FGF13: variants seen among roughly 807,000 people sequenced by gnomAD.
The protein encoded by FGF13 is fibroblast growth factor 13.
Under a neutral mutation model 19.5 loss-of-function variants are expected in FGF13, and 2 were observed. The observed-to-expected ratio is 0.10, with a 90% CI of 0.04 to 0.32. The LOEUF is 0.32. Ranked by LOEUF, FGF13 falls within the 10% of genes least tolerant of loss-of-function variation. FGF13 has a pLI of 1.00. For missense variants in FGF13, 113 were observed against 192.7 expected (o/e 0.59, Z 2.45); for synonymous variants, 72 against 76.9 (o/e 0.94, Z 0.33).
chrX:139,060,743 T>C (rs1244619866), intron 1 of FGF13, among the ~76,000 whole-genome samples: 1 of 111,719 alleles, frequency 9.0e-6, no homozygotes, highest in Non-Finnish European at 1.9e-5. Context: ...AACTTTTTTC[T>C]CATTAGAAGG....
intron 1 of FGF13, among the ~76,000 whole-genome samples, chrX:138,870,268 A>G (rs2091350889): frequency 8.9e-6 from 1 of 112,011 alleles, no homozygotes; most frequent in Non-Finnish European, 1.9e-5. Flanking sequence ...TATTTTTTTA[A>G]GTAGTAAAGT....
At chrX:139,049,000 C>T (rs1463102456) in intron 1 of FGF13, among the ~76,000 whole-genome samples, 1 of 111,120 alleles carries the variant, frequency 9.0e-6, no homozygotes, top group African/African-American at 3.3e-5. Context: ...ATGAAAATGC[C>T]ATTTATATTT....
At chrX:138,940,068 C>T in intron 1 of FGF13, among the ~76,000 whole-genome samples, 1 of 111,711 alleles carries the variant, frequency 9.0e-6, no homozygotes, top group Middle Eastern at 4.7e-3. Context: ...TCTCTGCAAC[C>T]TCACCAGGAT....
intron 1 of FGF13, among the ~76,000 whole-genome samples, chrX:139,159,655 C>CAAAAAAAAAAAAAAAAAAA (rs550001786): frequency 2.1e-4 from 11 of 51,666 alleles, no homozygotes; most frequent in African/African-American, 5.3e-4. Flanking sequence ...AAAGAGAAAG[C>CAAAAAAAAAAAAAAAAAAA]AAAAAAAAAA....
At chrX:139,073,143 C>G (rs1271065002) in intron 1 of FGF13, among the ~76,000 whole-genome samples, 5 of 101,286 alleles carry the variant, frequency 4.9e-5, no homozygotes, top group Non-Finnish European at 1.0e-4. Flanking sequence ...TCCCCCCCCC[C>G]TTTTCTGTGT....
chrX:139,122,185 GC>G (rs1455476489), intron 1 of FGF13, among the ~76,000 whole-genome samples: 2 of 111,549 alleles, frequency 1.8e-5, no homozygotes, highest in Non-Finnish European at 3.8e-5. Context: ...GGTCAGTAAG[GC>G]CCCAAGATGC....
At chrX:138,816,272 A>C (rs1387635530) in intron 3 of FGF13, among the ~76,000 whole-genome samples, 1 of 111,745 alleles carries the variant, frequency 8.9e-6, no homozygotes. Flanking sequence ...AGGACATGTA[A>C]ATTAAAACTA....
intron 1 of FGF13, among the ~76,000 whole-genome samples, chrX:138,975,643 A>G (rs1362107634): frequency 4.5e-5 from 5 of 111,824 alleles, no homozygotes; most frequent in Non-Finnish European, 9.4e-5. Context: ...TTCTTTTGTC[A>G]CAGATCCAGA....
In FGF13 at chrX:138,916,955, G is replaced by T. The variant is rs140705773; in HGVS notation, c.-112-52305C>A. On this transcript the variant is annotated intron_variant, in intron 1 of 2. Transcript: ENST00000421460. ...AAAACCAAATGGATGGAGGGAGCAC[G>T]AGTGAAGGGAAAAGAGGGAAAGAGA... is the stretch of plus-strand genomic sequence containing the variant. Among the ~76,000 whole-genome samples the T allele has an allele frequency of 5.8e-3, 646 of 111,799 alleles. 8 individuals carry two copies. The highest frequency in any genetic ancestry group is 0.019 in the African/African-American group (584 of 30,770).
At chrX:139,134,742 G>T (rs1000706719) in intron 1 of FGF13, among the ~76,000 whole-genome samples, 1 of 111,419 alleles carries the variant, frequency 9.0e-6, no homozygotes, top group African/African-American at 3.3e-5. Context: ...TCTGCCTCCC[G>T]GGTTCAAACA....
chrX:138,679,135 G>A (rs944732243), intron 3 of FGF13, among the ~76,000 whole-genome samples: 1 of 111,969 alleles, frequency 8.9e-6, no homozygotes, highest in African/African-American at 3.2e-5. Context: ...ACAGTGCTGT[G>A]ACATGATCAC....
intron 3 of FGF13, among the ~76,000 whole-genome samples, chrX:138,839,674 A>G (rs928380570): frequency 8.9e-6 from 1 of 112,081 alleles, no homozygotes; most frequent in African/African-American, 3.2e-5. Flanking sequence ...AGATTTACCA[A>G]TGCAGTGTTT....
intron 1 of FGF13, among the ~76,000 whole-genome samples, chrX:138,961,326 G>C (rs1282818288): frequency 9.0e-6 from 1 of 111,586 alleles, no homozygotes; most frequent in African/African-American, 3.3e-5. Context: ...TGTTTGCCTA[G>C]GTATCACCAG....
At chrX:139,051,260 CAT>C (rs1369049955) in intron 1 of FGF13, among the ~76,000 whole-genome samples, 1 of 111,932 alleles carries the variant, frequency 8.9e-6, no homozygotes, top group East Asian at 2.8e-4. Flanking sequence ...AACTGGCTAA[CAT>C]ATCACAGACA....
At chrX:138,806,191 A>T (rs1400504264) in intron 3 of FGF13, among the ~76,000 whole-genome samples, 1 of 111,969 alleles carries the variant, frequency 8.9e-6, no homozygotes, top group Non-Finnish European at 1.9e-5. Context: ...TCTGCTATAT[A>T]ACTTACCTAA....
chrX:138,671,165 C>T (rs1485794765), intron 3 of FGF13, among the ~76,000 whole-genome samples: 6 of 110,976 alleles, frequency 5.4e-5, no homozygotes, highest in Non-Finnish European at 1.1e-4. Flanking sequence ...CACAATGCTC[C>T]CTAGCAACAA....
intron 1 of FGF13, among the ~76,000 whole-genome samples, chrX:138,914,636 CTTT>C (rs34940979): frequency 3.9e-5 from 3 of 76,965 alleles, no homozygotes; most frequent in African/African-American, 5.1e-5. Flanking sequence ...TTGTGTTGGA[CTTT>C]TTTTTTTTTT....
At chrX:139,065,492 A>AG (rs1569449070) in intron 1 of FGF13, among the ~76,000 whole-genome samples, 1 of 92,969 alleles carries the variant, frequency 1.1e-5, no homozygotes, top group African/African-American at 4.8e-5. Flanking sequence ...AAAAAAAAAA[A>AG]AAAGAAAAAG....
intron 1 of FGF13, among the ~76,000 whole-genome samples, chrX:139,015,634 C>T (rs748727220): frequency 2.6e-4 from 29 of 110,818 alleles, no homozygotes; most frequent in Middle Eastern, 4.3e-3. Context: ...TCCATCCTAC[C>T]CAAAGCAATC....
Sources: allele counts gnomAD v4.1 joint callset (sites outside exome capture counted in the v4.1 genomes callset), GRCh38; gene constraint gnomAD v4.1.1; transcripts MANE v1.5; gene names NCBI Gene and HGNC (gene_info 2026-07-23, HGNC 2026-07-21).